BLTP1: variants seen among roughly 807,000 people sequenced by gnomAD.
BLTP1 encodes bridge-like lipid transfer protein family member 1.
At chr4:122,347,080 A>AT in the BLTP1 span, 1 of 958,696 alleles carries the variant, frequency 1.0e-6, no homozygotes, top group Non-Finnish European at 1.2e-6. Flanking sequence ...TTCTATAATG[A>AT]TTACTCTGTA....
chr4:122,192,139 G>C, the BLTP1 span: 4 of 1,438,098 alleles, frequency 2.8e-6, no homozygotes, highest in South Asian at 5.8e-5. Flanking sequence ...GGTTTCCTGA[G>C]ACCAAAAAAT....
chr4:122,348,504 T>A, the BLTP1 span: 1 of 1,395,268 alleles, frequency 7.2e-7, no homozygotes, highest in African/African-American at 1.5e-5. Context: ...AAAAATAGTT[T>A]TTGCTTTGTA....
At chr4:122,210,976 C>A in the BLTP1 span, 1 of 1,612,772 alleles carries the variant, frequency 6.2e-7, no homozygotes, top group Non-Finnish European at 8.5e-7. Context: ...TACTTCTTCA[C>A]GCCCACCTAT....
chr4:122,191,219 T>G, the BLTP1 span, among the ~76,000 whole-genome samples: 1 of 152,150 alleles, frequency 6.6e-6, no homozygotes, highest in Admixed American at 6.5e-5. Context: ...AATATTCTGG[T>G]GTCTTGAGGA....
At chr4:122,231,391 ATT>A in the BLTP1 span, among the ~76,000 whole-genome samples, 1 of 151,216 alleles carries the variant, frequency 6.6e-6, no homozygotes, top group Non-Finnish European at 1.5e-5. Flanking sequence ...TAAAAACCAC[ATT>A]TGTTAGCTGT....
At chr4:122,361,888 A>T in the BLTP1 span, 1 of 862,672 alleles carries the variant, frequency 1.2e-6, no homozygotes, top group Non-Finnish European at 1.7e-6. Context: ...TCCAGGAATT[A>T]TGGGCTCATT....
the BLTP1 span, chr4:122,344,008 A>G: frequency 1.0e-6 from 1 of 968,958 alleles, no homozygotes; most frequent in African/African-American, 1.8e-5. Context: ...TAAGTCAGCC[A>G]TTTCGTGAAA....
the BLTP1 span, chr4:122,263,157 C>A: frequency 1.0e-6 from 1 of 976,324 alleles, no homozygotes; most frequent in African/African-American, 1.8e-5. Context: ...TCGGAGTCTT[C>A]ATGCCCTTAG....
At chr4:122,306,377 C>T in the BLTP1 span, among the ~76,000 whole-genome samples, 1 of 151,992 alleles carries the variant, frequency 6.6e-6, no homozygotes, top group Non-Finnish European at 1.5e-5. Context: ...AAACATTTAT[C>T]AGGTACTGCC....
At chr4:122,271,153 T>C in the BLTP1 span, 1 of 1,613,958 alleles carries the variant, frequency 6.2e-7, no homozygotes, top group Non-Finnish European at 8.5e-7. Flanking sequence ...CTTTTCATGA[T>C]CTCAGCAAGC....
chr4:122,328,466 G>A, the BLTP1 span: 4 of 986,482 alleles, frequency 4.1e-6, no homozygotes, highest in East Asian at 2.6e-5. Context: ...AATGTGCCTC[G>A]CTTGAGTGAG....
chr4:122,309,496 G>T, the BLTP1 span: 3 of 1,576,728 alleles, frequency 1.9e-6, no homozygotes, highest in African/African-American at 2.7e-5. Flanking sequence ...ATACAGTTTA[G>T]AACTTAAAAA....
chr4:122,190,985 T>C, the BLTP1 span, among the ~76,000 whole-genome samples: 1 of 152,178 alleles, frequency 6.6e-6, no homozygotes, highest in South Asian at 2.1e-4. Flanking sequence ...GTTGTTGCTT[T>C]AACACTAATC....
At chr4:122,286,265 A>G in the BLTP1 span, 33 of 194,546 alleles carry the variant, frequency 1.7e-4, no homozygotes, top group Non-Finnish European at 2.8e-4. Flanking sequence ...CTTCTATGAA[A>G]TAAAGAACAT....
the BLTP1 span, chr4:122,334,297 C>A: frequency 7.2e-7 from 1 of 1,394,246 alleles, no homozygotes; most frequent in East Asian, 2.5e-5. Context: ...CTTGATTTTC[C>A]TCATCTTCAT....
the BLTP1 span, among the ~76,000 whole-genome samples, chr4:122,335,372 C>G: frequency 5.3e-5 from 8 of 152,044 alleles, no homozygotes; most frequent in African/African-American, 1.9e-4. Flanking sequence ...AGGCAAGGAT[C>G]ATTGAATGTC....
At chr4:122,307,347 G>C in the BLTP1 span, 2 of 421,088 alleles carry the variant, frequency 4.7e-6, no homozygotes, top group African/African-American at 2.2e-5. Context: ...CATTCAGAAA[G>C]TTTTGGGATT....
the BLTP1 span, chr4:122,234,949 AT>A: frequency 6.2e-7 from 1 of 1,613,654 alleles, no homozygotes; most frequent in Non-Finnish European, 8.5e-7. Flanking sequence ...GCAGAGTCTG[AT>A]ATGTATTATG....
At chr4:122,209,756 T>G in the BLTP1 span, 1 of 1,564,556 alleles carries the variant, frequency 6.4e-7, no homozygotes, top group Non-Finnish European at 8.6e-7. Context: ...CTGCAACTGG[T>G]ATCTCTGTAC....
Sources: gnomAD v4.1 joint callset for allele counts (sites outside exome capture counted in the v4.1 genomes callset) on GRCh38, gnomAD v4.1.1 for gene constraint, MANE v1.5 for transcripts, NCBI Gene and HGNC (gene_info 2026-07-23, HGNC 2026-07-21) for gene names.